The following RBMS3 variants were observed in gnomAD, a reference collection of about 807,000 sequenced individuals.
The protein encoded by RBMS3 is RNA binding motif single stranded interacting protein 3.
A neutral mutation model predicts 66.8 loss-of-function variants in RBMS3; 27 were observed. The ratio of observed to expected loss-of-function variants is 0.40; its 90% confidence interval spans 0.30 to 0.56. The LOEUF (loss-of-function observed/expected upper bound fraction) is 0.56, where lower values mean the gene tolerates loss of function less well. Among genes scored for constraint, RBMS3 ranks in the 20% least tolerant of loss-of-function variants. The pLI is 0.40. For missense variants in RBMS3, 513 were observed against 549.5 expected (o/e 0.93, Z 0.66); for synonymous variants, 188 against 183.0 (o/e 1.03, Z -0.22).
intron 4 of RBMS3, among the ~76,000 whole-genome samples, chr3:29,683,619 C>T (rs2051593157): frequency 6.6e-6 from 1 of 152,126 alleles, no homozygotes; most frequent in East Asian, 1.9e-4. Flanking sequence ...CACACCACCT[C>T]CTTGAAGGAA....
intron 2 of RBMS3, among the ~76,000 whole-genome samples, chr3:29,455,479 T>C (rs528193107): frequency 3.3e-5 from 5 of 152,200 alleles, no homozygotes; most frequent in African/African-American, 4.8e-5. Context: ...CTGTGGAAAG[T>C]GTAGGGTAAG....
rs915263427 is a variant in RBMS3, at chr3:29,410,951, C to T, written c.76-23792C>T. ...ATTTGCTGGAAATGACTTCATGATT[C>T]CTATCCCTTTCTTCTTAAAAAAAAA... On this transcript the variant is annotated intron_variant, in intron 1 of 14. Transcript: ENST00000383767. Among the ~76,000 whole-genome samples the T allele has an allele frequency of 2.9e-5, 4 of 135,748 alleles. 1 individual carries two copies. Among genetic ancestry groups the T allele is most frequent in the African/African-American group, 1.1e-4 (4 of 35,586 alleles). 89.1% of individuals were successfully genotyped at this position (135,748 alleles called of 152,430 possible).
chr3:29,371,421 G>A (rs1389271963), intron 1 of RBMS3, among the ~76,000 whole-genome samples: 4 of 152,238 alleles, frequency 2.6e-5, no homozygotes, highest in African/African-American at 9.6e-5. Flanking sequence ...AACCAGAATG[G>A]GATTTAAATA....
At chr3:29,604,966 C>A (rs2048272710) in intron 4 of RBMS3, among the ~76,000 whole-genome samples, 1 of 151,786 alleles carries the variant, frequency 6.6e-6, no homozygotes, top group South Asian at 2.1e-4. Flanking sequence ...TTGACATCCT[C>A]CTCCAAAATA....
intron 12 of RBMS3, among the ~76,000 whole-genome samples, chr3:29,947,329 T>C (rs898831346): frequency 1.3e-5 from 2 of 151,630 alleles, no homozygotes; most frequent in Non-Finnish European, 3.0e-5. Flanking sequence ...TTTGTTTTCT[T>C]CGTTCTTTGC....
rs1188481094 is a variant in RBMS3 at position 29,897,402 on chromosome 3, T to C, written c.815T>C (p.Ile272Thr). 1.2e-6 allele frequency: 2 copies of C among 1,611,036 alleles called. No homozygotes were observed. Among genetic ancestry groups the C allele is most frequent in the Non-Finnish European group, 1.7e-6 (2 of 1,177,964 alleles). The change falls in exon 9 of 15, where the codon ATT becomes ACT. Residue 272 changes from isoleucine to threonine, a missense_variant. Physicochemically the swap from Ile to Thr is moderately conservative, Grantham distance 89 (BLOSUM62 -1). Transcript: ENST00000383767. ...AGATTTTATTCTTCACCGTACAGTA[T>C]TGCAACCAACCGCATGATTCCACAG... ...QNGFYSSPYSIATNRMIPQTS... is the reference protein window; with the variant it reads ...QNGFYSSPYSTATNRMIPQTS...
intron 2 of RBMS3, among the ~76,000 whole-genome samples, chr3:29,468,290 G>T (rs1490842502): frequency 1.3e-5 from 2 of 152,126 alleles, no homozygotes; most frequent in African/African-American, 2.4e-5. Context: ...ATGTCCTCTG[G>T]CTTCTGTGGT....
At chr3:29,789,634 T>C (rs12488972) in intron 6 of RBMS3, among the ~76,000 whole-genome samples, 47,749 of 151,790 alleles carry the variant, frequency 0.31, 8,264 homozygotes, top group African/African-American at 0.46. Context: ...TTTTACATAA[T>C]GTTTGACTAT....
chr3:29,396,019 C>A (rs2039531213), intron 1 of RBMS3, among the ~76,000 whole-genome samples: 1 of 152,064 alleles, frequency 6.6e-6, no homozygotes, highest in Admixed American at 6.6e-5. Flanking sequence ...TAGTTGCAAG[C>A]TGAAAAATTG....
intron 14 of RBMS3, among the ~76,000 whole-genome samples, chr3:29,996,322 G>A (rs2125389049): frequency 6.7e-6 from 1 of 150,346 alleles, no homozygotes; most frequent in East Asian, 2.0e-4. Flanking sequence ...AATAATGGGA[G>A]ACTTTAACAC....
Position 29,952,202 on chromosome 3 carries a change from C to T in RBMS3, c.1098+7948C>T, listed in dbSNP as rs117925563. On this transcript the variant is annotated intron_variant, in intron 12 of 14. Coordinates refer to ENST00000383767, the MANE Select transcript of RBMS3 (RefSeq NM_001003793.3). ...CCCACCTCTACTCATCACATCTCAA[C>T]GTTATGGCATTTAGAGCAAGATTAA... 3.4e-4 allele frequency among the ~76,000 whole-genome samples: 52 copies of T among 151,828 alleles called. 1 individual carries two copies. Among genetic ancestry groups the T allele is most frequent in the Admixed American group, 1.4e-3 (21 of 15,194 alleles).
intron 12 of RBMS3, among the ~76,000 whole-genome samples, chr3:29,950,464 A>C (rs1357055818): frequency 6.6e-6 from 1 of 151,860 alleles, no homozygotes; most frequent in African/African-American, 2.4e-5. Flanking sequence ...CTGGTACTGA[A>C]ATCACTTGGT....
intron 5 of RBMS3, among the ~76,000 whole-genome samples, chr3:29,746,624 C>T (rs994794877): frequency 6.6e-6 from 1 of 152,046 alleles, no homozygotes; most frequent in Non-Finnish European, 1.5e-5. Context: ...TTGTCTTTCT[C>T]TTACCATCAG....
At chr3:29,742,119 G>C (rs540766460) in intron 5 of RBMS3, among the ~76,000 whole-genome samples, 1 of 152,040 alleles carries the variant, frequency 6.6e-6, no homozygotes, top group African/African-American at 2.4e-5. Flanking sequence ...CTTAAAATGA[G>C]GCATATTTTT....
rs555621420 is a variant in RBMS3, at chr3:30,009,959, T to C, written c.*6097T>C. ...TTTCAAAAAGATATTTGAAAAAGTTTTCTCTATTCTGGACACAAATGCTTC... is the reference window on the plus strand; with the variant it reads ...TTTCAAAAAGATATTTGAAAAAGTTCTCTCTATTCTGGACACAAATGCTTC... On this transcript the variant is annotated 3_prime_UTR_variant, in exon 15 of 15. Coordinates refer to ENST00000383767, the MANE Select transcript of RBMS3 (RefSeq NM_001003793.3). 5 of 152,292 alleles carry C rather than the reference T, an allele frequency of 3.3e-5. No homozygotes were observed. The East Asian group carries it at 9.6e-4, about 29-fold the overall frequency. 9.4% of individuals were successfully genotyped at this position (152,292 alleles called of 1,614,324 possible).
At chr3:29,905,050 A>AATTAATCAAATGTATATGC (rs2060343476) in intron 10 of RBMS3, among the ~76,000 whole-genome samples, 1 of 151,858 alleles carries the variant, frequency 6.6e-6, no homozygotes, top group African/African-American at 2.4e-5. Flanking sequence ...TTTCTTTTAG[A>AATTAATCAAATGTATATGC]ACAAGGGTCA....
At chr3:29,586,993 C>A in intron 3 of RBMS3, 121 bp from the exon 4 acceptor site, 1 of 663,482 alleles carries the variant, frequency 1.5e-6, no homozygotes. Flanking sequence ...GCCTAATGTT[C>A]AACCAGGGTA....
chr3:29,846,674 G>A (rs2058786422), intron 6 of RBMS3, among the ~76,000 whole-genome samples: 1 of 152,136 alleles, frequency 6.6e-6, no homozygotes, highest in East Asian at 1.9e-4. Context: ...TCTTAGTTTA[G>A]AAGCTCATAA....
chr3:29,755,569 A>G (rs948605231), intron 5 of RBMS3, among the ~76,000 whole-genome samples: 1 of 152,236 alleles, frequency 6.6e-6, no homozygotes, highest in African/African-American at 2.4e-5. Flanking sequence ...GAGGAGCAAC[A>G]GAGGGAAACG....
Sources: allele counts gnomAD v4.1 joint callset (sites outside exome capture counted in the v4.1 genomes callset), GRCh38; gene constraint gnomAD v4.1.1; transcripts MANE v1.5; gene names NCBI Gene and HGNC (gene_info 2026-07-23, HGNC 2026-07-21).